The following KLF6 variants were observed in gnomAD, a reference collection of about 807,000 sequenced individuals.
The protein encoded by KLF6 is KLF transcription factor 6, also known as Krueppel-like factor 6.
For missense variants in KLF6, 233 were observed against 359.8 expected (o/e 0.65, Z 2.85); for synonymous variants, 152 against 147.9 (o/e 1.03, Z -0.20).
chr10:3,784,244 G>C (rs1832596745), intron 1 of KLF6, among the ~76,000 whole-genome samples: 1 of 152,144 alleles, frequency 6.6e-6, no homozygotes, highest in Non-Finnish European at 1.5e-5. Context: ...CCAGTTCTAC[G>C]ACAATGTCGG....
chr10:3,781,599 G>A lies in KLF6; in HGVS notation c.676+42C>T, dbSNP rs1452294376. On this transcript the variant is annotated intron_variant, in intron 2 of 3. Transcript: ENST00000497571. The surrounding 1 kb of genome is among the most constrained non-coding windows in gnomAD (Gnocchi z 5.8). Reference sequence around the variant, plus strand: ...TCCAGGGCTGGTGCAATGCAGTGGCGCCCACCAGCGGCCGCCCTCCGGGGC... The same window carrying A: ...TCCAGGGCTGGTGCAATGCAGTGGCACCCACCAGCGGCCGCCCTCCGGGGC... 8 of 1,604,150 alleles carry A rather than the reference G, an allele frequency of 5.0e-6. No individual in the cohort carries two copies. The highest frequency in any genetic ancestry group is 5.1e-6 in the Non-Finnish European group (6 of 1,175,538).
chr10:3,784,475 A>AT (rs1475827617), intron 1 of KLF6, among the ~76,000 whole-genome samples: 1 of 152,206 alleles, frequency 6.6e-6, no homozygotes, highest in Non-Finnish European at 1.5e-5. Flanking sequence ...AAAGACAAAA[A>AT]TAAAAGAGAG....
chr10:3,780,198 C>T lies in KLF6; in HGVS notation c.708G>A (p.Gly236=). ...CACTTCTTGCAAAACGCCACTCACACCCTTCCCATGAGCATCTGTAAGGCT... is the reference window on the plus strand; with the variant it reads ...CACTTCTTGCAAAACGCCACTCACATCCTTCCCATGAGCATCTGTAAGGCT... The part of the protein sequence containing the change: ...GEKPYRCSWE[G]CEWRFARSDE... Residue 236 remains glycine, a synonymous_variant, in exon 3 of 4, where the codon GGG becomes GGA. Transcript: ENST00000497571. This position sits in a 1 kb window ranked among gnomAD's most constrained non-coding sequence, Gnocchi z 4.6. 6.2e-7 allele frequency: 1 copy of T among 1,614,198 alleles called. No individual in the cohort carries two copies. The highest frequency in any genetic ancestry group is 1.1e-5 in the South Asian group (1 of 91,088).
Position 3,778,434 on chromosome 10 carries a change from G to T in KLF6, c.*1105C>A, listed in dbSNP as rs754101160. On this transcript the variant is annotated 3_prime_UTR_variant, in exon 4 of 4. Coordinates refer to ENST00000497571, the MANE Select transcript of KLF6 (RefSeq NM_001300.6). ...TCCACCCAACTGAGAAAAATTTTAG[G>T]TTCTTAAGTCTAATGAAACATTAGA... 1.3e-5 allele frequency: 7 copies of T among 525,670 alleles called. No individual in the cohort carries two copies. Among genetic ancestry groups the T allele is most frequent in the South Asian group, 1.1e-4 (7 of 65,096 alleles). The allele number at this position is 525,670 out of a possible 1,614,324, so 32.6% of individuals were successfully genotyped here.
rs1362036642 is a variant in KLF6, at chr10:3,778,637, A to G, written c.*902T>C. On this transcript the variant is annotated 3_prime_UTR_variant, in exon 4 of 4. Coordinates refer to ENST00000497571, the MANE Select transcript of KLF6 (RefSeq NM_001300.6). The stretch of plus-strand genomic sequence containing the variant: ...AAACTTGGAGGGGAAAAAAAATTGT[A>G]TATTGCCAGGCCCGGATGGCTAGGG... 3.9e-6 allele frequency: 2 copies of G among 515,028 alleles called. No homozygotes were observed. The highest frequency in any genetic ancestry group is 7.5e-6 in the Non-Finnish European group (2 of 264,986). The allele number at this position is 515,028 out of a possible 1,614,324, so 31.9% of individuals were successfully genotyped here. A position where few individuals can be genotyped will look rare whatever the true frequency, so the allele number is the denominator to read the frequency against.
At position 3,782,339 on chromosome 10, in the gene KLF6, C is replaced by A; in HGVS notation, c.103-125G>T. ...CATTGCTGCCCGGTCACTACAGGGGCAAAACCTTTTGTAATTAAGCATCCG... is the reference window on the plus strand; with the variant it reads ...CATTGCTGCCCGGTCACTACAGGGGAAAAACCTTTTGTAATTAAGCATCCG... On this transcript the variant is annotated intron_variant, in intron 1 of 3. Coordinates refer to ENST00000497571, the MANE Select transcript of KLF6 (RefSeq NM_001300.6). This position sits in a 1 kb window ranked among gnomAD's most constrained non-coding sequence, Gnocchi z 4.3. 1 of 770,612 alleles carries A rather than the reference C, an allele frequency of 1.3e-6. No homozygotes were observed. The highest frequency in any genetic ancestry group is 2.0e-5 in the Admixed American group (1 of 49,340). 47.7% of individuals were successfully genotyped at this position (770,612 alleles called of 1,614,324 possible).
Position 3,785,165 on chromosome 10 carries a change from AGCGCGCG to A in KLF6, c.-158_-152del, listed in dbSNP as rs1564297822. 1 of 1,467,914 alleles carries A rather than the reference AGCGCGCG, an allele frequency of 6.8e-7. No individual in the cohort carries two copies. The highest frequency in any genetic ancestry group is 1.4e-5 in the African/African-American group (1 of 71,538). The allele number at this position is 1,467,914 out of a possible 1,614,324, so 90.9% of individuals were successfully genotyped here. A position where few individuals can be genotyped will look rare whatever the true frequency, so the allele number is the denominator to read the frequency against. On this transcript the variant is annotated 5_prime_UTR_variant, in exon 1 of 4. Transcript: ENST00000497571. ...CCGGCCGGACCCTCCCGCAGCCCGCAGCGCGCGGAGCCCACACAATATTTGCAAACAC... is the reference window on the plus strand; with the variant it reads ...CCGGCCGGACCCTCCCGCAGCCCGCAGAGCCCACACAATATTTGCAAACAC...
chr10:3,776,890 T>C lies in KLF6; in HGVS notation c.*2649A>G. On this transcript the variant is annotated 3_prime_UTR_variant, in exon 4 of 4. Transcript: ENST00000497571. ...CCCACCCAGGCAAACAGCTCCGACA[T>C]GTTTCGTAAGTGAGACAAGCCAGTG... 3.8e-6 allele frequency: 2 copies of C among 524,140 alleles called. No homozygotes were observed. Among genetic ancestry groups the C allele is most frequent in the South Asian group, 1.6e-5 (1 of 63,452 alleles). The allele number at this position is 524,140 out of a possible 1,614,324, so 32.5% of individuals were successfully genotyped here. A position where few individuals can be genotyped will look rare whatever the true frequency, so the allele number is the denominator to read the frequency against.
rs1178246308 is a variant in KLF6 at position 3,777,751 on chromosome 10, A to G, written c.*1788T>C. ...TAAAAAAAATATTTATATATTATCTATATATATAATATATATATATACACA... is the reference window on the plus strand; with the variant it reads ...TAAAAAAAATATTTATATATTATCTGTATATATAATATATATATATACACA... On this transcript the variant is annotated 3_prime_UTR_variant, in exon 4 of 4. Coordinates refer to ENST00000497571, the MANE Select transcript of KLF6 (RefSeq NM_001300.6). The G allele has an allele frequency of 3.8e-6, 1 of 261,046 alleles. No individual in the cohort carries two copies. The highest frequency in any genetic ancestry group is 7.3e-6 in the Non-Finnish European group (1 of 137,396). The allele number at this position is 261,046 out of a possible 1,614,324, so 16.2% of individuals were successfully genotyped here.
At position 3,779,361 on chromosome 10, in the gene KLF6, G is replaced by A. The variant is rs749032189; in HGVS notation, c.*178C>T. ...CACCCACATACCATGCACCACGGGT[G>A]CTATGCCGCTTCTTACAGGACCTTT... On this transcript the variant is annotated 3_prime_UTR_variant, in exon 4 of 4. Transcript: ENST00000497571. 5 of 692,564 alleles carry A rather than the reference G, an allele frequency of 7.2e-6. No individual in the cohort carries two copies. The highest frequency in any genetic ancestry group is 3.7e-4 in the Middle Eastern group (1 of 2,708). 42.9% of individuals were successfully genotyped at this position (692,564 alleles called of 1,614,324 possible). A position where few individuals can be genotyped will look rare whatever the true frequency, so the allele number is the denominator to read the frequency against.
Position 3,781,233 on chromosome 10 carries a change from C to T in KLF6, c.676+408G>A, listed in dbSNP as rs182972619. ...GTCAGCATCAAACCCACACACTCCA[C>T]GCTGCCCAGCAACCCTCTGTCCTGA... is the stretch of plus-strand genomic sequence containing the variant. On this transcript the variant is annotated intron_variant, in intron 2 of 3. Transcript: ENST00000497571. The surrounding 1 kb of genome is among the most constrained non-coding windows in gnomAD (Gnocchi z 5.8). 6.3e-4 allele frequency: 319 copies of T among 505,020 alleles called. 2 individuals carry two copies. Among genetic ancestry groups the T allele is most frequent in the African/African-American group, 5.9e-3 (308 of 51,782 alleles). 31.3% of individuals were successfully genotyped at this position (505,020 alleles called of 1,614,324 possible).
At chr10:3,784,116 C>T (rs1832594167) in intron 1 of KLF6, among the ~76,000 whole-genome samples, 1 of 152,194 alleles carries the variant, frequency 6.6e-6, no homozygotes, top group Non-Finnish European at 1.5e-5. Flanking sequence ...CAACAGTAAA[C>T]CCTCCTGCGA....
In KLF6 at chr10:3,777,580, A is replaced by G; in HGVS notation, c.*1959T>C. ...AGACAGCCCGGAACAGATTCAAGCAAGAAAGTCCTCCGCACATCGTTAAAT... is the reference window on the plus strand; with the variant it reads ...AGACAGCCCGGAACAGATTCAAGCAGGAAAGTCCTCCGCACATCGTTAAAT... On this transcript the variant is annotated 3_prime_UTR_variant, in exon 4 of 4. Coordinates refer to ENST00000497571, the MANE Select transcript of KLF6 (RefSeq NM_001300.6). 2.0e-6 allele frequency: 1 copy of G among 512,242 alleles called. No homozygotes were observed. Among genetic ancestry groups the G allele is most frequent in the South Asian group, 1.5e-5 (1 of 64,984 alleles). 31.7% of individuals were successfully genotyped at this position (512,242 alleles called of 1,614,324 possible).
At chr10:3,784,672 G>A (rs1016481272) in intron 1 of KLF6, among the ~76,000 whole-genome samples, 7 of 152,172 alleles carry the variant, frequency 4.6e-5, no homozygotes, top group Non-Finnish European at 8.8e-5. Flanking sequence ...CGTCTGGAGC[G>A]GGGACAGGCT....
rs977446239 is a variant in KLF6 at position 3,778,556 on chromosome 10, A to T, written c.*983T>A. 9.6e-6 allele frequency: 5 copies of T among 520,478 alleles called. No individual in the cohort carries two copies. Among genetic ancestry groups the T allele is most frequent in the African/African-American group, 1.9e-5 (1 of 53,116 alleles). The allele number at this position is 520,478 out of a possible 1,614,324, so 32.2% of individuals were successfully genotyped here. On this transcript the variant is annotated 3_prime_UTR_variant, in exon 4 of 4. Coordinates refer to ENST00000497571, the MANE Select transcript of KLF6 (RefSeq NM_001300.6). ...CTCCAAAAAGTTAATTCAAATTCAG[A>T]ATCATTTAAAAATAATCCTGTGTTG...
chr10:3,776,544 G>GACTC lies in KLF6; in HGVS notation c.*2991_*2994dup. ...CCCCTTCCCCCAAAAAAAACAACCA[G>GACTC]ACTCAAGATGCTGATAAGAATTCTT... is the stretch of plus-strand genomic sequence containing the variant. On this transcript the variant is annotated 3_prime_UTR_variant, in exon 4 of 4. Coordinates refer to ENST00000497571, the MANE Select transcript of KLF6 (RefSeq NM_001300.6). 1.9e-6 allele frequency: 1 copy of GACTC among 527,464 alleles called. No individual in the cohort carries two copies. Among genetic ancestry groups the GACTC allele is most frequent in the Non-Finnish European group, 3.7e-6 (1 of 272,176 alleles). 32.7% of individuals were successfully genotyped at this position (527,464 alleles called of 1,614,324 possible).
Position 3,781,824 on chromosome 10 carries a change from C to T in KLF6, c.493G>A (p.Val165Met), listed in dbSNP as rs61731927. 4,570 of 1,614,200 alleles carry T rather than the reference C, an allele frequency of 2.8e-3. 114 individuals are homozygous for T. In the African/African-American group the frequency reaches 0.051, roughly 18 times the overall value. Residue 165 changes from valine (V) to methionine (M), a missense_variant, in exon 2 of 4, where the codon GTG becomes ATG. Transcript: ENST00000497571. The surrounding 1 kb of genome is among the most constrained non-coding windows in gnomAD (Gnocchi z 5.8). ...CCTGGCGAGGGCAGCTCCCCGGGCACGCAACCCCACAGTTGAGAAGGTTCC... is the reference window on the plus strand; with the variant it reads ...CCTGGCGAGGGCAGCTCCCCGGGCATGCAACCCCACAGTTGAGAAGGTTCC... ...SREPSQLWGC[V>M]PGELPSPGKV...
chr10:3,776,902 G>A lies in KLF6; in HGVS notation c.*2637C>T, dbSNP rs1832392168. 1.9e-6 allele frequency: 1 copy of A among 516,674 alleles called. No individual in the cohort carries two copies. Among genetic ancestry groups the A allele is most frequent in the African/African-American group, 1.9e-5 (1 of 52,196 alleles). The allele number at this position is 516,674 out of a possible 1,614,324, so 32.0% of individuals were successfully genotyped here. On this transcript the variant is annotated 3_prime_UTR_variant, in exon 4 of 4. Transcript: ENST00000497571. ...AACAGCTCCGACATGTTTCGTAAGT[G>A]AGACAAGCCAGTGCAAGTTTTTTTT...
Position 3,781,288 on chromosome 10 carries a change from G to A in KLF6, c.676+353C>T. ...TGAGTTTCATTTAGGAAACCCCAGG[G>A]CCGCTCGAGGTAGCCTCGTGCGAGT... On this transcript the variant is annotated intron_variant, in intron 2 of 3. Coordinates refer to ENST00000497571, the MANE Select transcript of KLF6 (RefSeq NM_001300.6). The surrounding 1 kb of genome is among the most constrained non-coding windows in gnomAD (Gnocchi z 5.8). The A allele has an allele frequency of 1.3e-6, 1 of 788,100 alleles. No homozygotes were observed. Among genetic ancestry groups the A allele is most frequent in the Non-Finnish European group, 1.9e-6 (1 of 515,652 alleles). The allele number at this position is 788,100 out of a possible 1,614,324, so 48.8% of individuals were successfully genotyped here.
Sources: gnomAD v4.1 joint callset for allele counts (sites outside exome capture counted in the v4.1 genomes callset) on GRCh38, gnomAD v4.1.1 for gene constraint, Gnocchi (gnomAD v3.1) non-coding constraint, MANE v1.5 for transcripts, NCBI Gene and HGNC (gene_info 2026-07-23, HGNC 2026-07-21) for gene names.